Variants in RARB observed in about 807,000 individuals in gnomAD.
The protein encoded by RARB is HBV-activated protein.
Under a neutral mutation model 51.9 loss-of-function variants are expected in RARB, and 17 were observed. The ratio of observed to expected loss-of-function variants is 0.33; its 90% confidence interval spans 0.22 to 0.49. RARB has a LOEUF of 0.49. RARB is among the 20% of genes least tolerant of loss of function. RARB has a pLI of 0.99. For missense variants in RARB, 369 were observed against 550.8 expected (o/e 0.67, Z 3.30); for synonymous variants, 215 against 195.4 (o/e 1.10, Z -0.84).
At chr3:25,551,543 G>C (rs550319904) in intron 3 of RARB, among the ~76,000 whole-genome samples, 1 of 152,294 alleles carries the variant, frequency 6.6e-6, no homozygotes, top group South Asian at 2.1e-4. Context: ...ATGTGGAGCA[G>C]CTAAAGAGTC....
intron 5 of RARB, among the ~76,000 whole-genome samples, chr3:25,371,369 C>A (rs1488819987): frequency 6.6e-6 from 1 of 152,056 alleles, no homozygotes; most frequent in Non-Finnish European, 1.5e-5. Flanking sequence ...GCTGATGGGG[C>A]AAATCATAAG....
At chr3:25,448,372 A>T (rs1158448176) in intron 1 of RARB, among the ~76,000 whole-genome samples, 1 of 151,338 alleles carries the variant, frequency 6.6e-6, no homozygotes, top group Non-Finnish European at 1.5e-5. Context: ...TAGCTTTCTC[A>T]TACCTAGGAA....
rs1368393189 is a variant in RARB at position 25,375,211 on chromosome 3, G to T, written c.179-85982G>T. Among the ~76,000 whole-genome samples, 4 of 152,214 alleles carry T rather than the reference G, an allele frequency of 2.6e-5. No homozygotes were observed. In the South Asian group the frequency reaches 6.2e-4, roughly 24 times the overall value. On this transcript the variant is annotated intron_variant, in intron 5 of 11. Coordinates refer to the RARB transcript ENST00000383772. ...TCAAAAATCATTAGCTTCAAACAAG[G>T]CAATAAATACAGGACCCTATGCATA... is the stretch of plus-strand genomic sequence containing the variant.
chr3:24,879,675 T>C, intron 2 of RARB, among the ~76,000 whole-genome samples: 1 of 151,924 alleles, frequency 6.6e-6, no homozygotes, highest in East Asian at 1.9e-4. Context: ...AAAAACCGAA[T>C]CACTTTACAT....
chr3:25,125,388 T>G (rs1002530170), intron 3 of RARB, among the ~76,000 whole-genome samples: 1 of 152,158 alleles, frequency 6.6e-6, no homozygotes, highest in East Asian at 1.9e-4. Flanking sequence ...TCTGTTCTCA[T>G]GAGGACCGTT....
chr3:25,533,582 C>T (rs1404324322), intron 3 of RARB, among the ~76,000 whole-genome samples: 1 of 152,136 alleles, frequency 6.6e-6, no homozygotes, highest in Non-Finnish European at 1.5e-5. Flanking sequence ...TCTTATGTGC[C>T]AGCCAGTAGA....
At chr3:25,119,038 T>C (rs1263146692) in intron 3 of RARB, among the ~76,000 whole-genome samples, 1 of 152,204 alleles carries the variant, frequency 6.6e-6, no homozygotes, top group Non-Finnish European at 1.5e-5. Context: ...AAGTTTCCAT[T>C]AAAATTTTTA....
intron 4 of RARB, among the ~76,000 whole-genome samples, chr3:25,172,100 GTAC>G (rs1432375743): frequency 6.6e-6 from 1 of 152,158 alleles, no homozygotes; most frequent in African/African-American, 2.4e-5. Context: ...GTTCAGCGGA[GTAC>G]TAGGGGGCCT....
intron 3 of RARB, among the ~76,000 whole-genome samples, chr3:25,114,921 G>A (rs1354492314): frequency 6.6e-6 from 1 of 152,132 alleles, no homozygotes; most frequent in Non-Finnish European, 1.5e-5. Context: ...AATAATTTTG[G>A]AAGTGTTGGA....
chr3:24,878,210 ATTTTT>A (rs58436769), intron 2 of RARB, among the ~76,000 whole-genome samples: 1 of 146,334 alleles, frequency 6.8e-6, no homozygotes. Context: ...TAGCCAAACC[ATTTTT>A]TTTTTTTTTG....
At chr3:25,121,746 AATTT>A (rs1189281468) in intron 3 of RARB, among the ~76,000 whole-genome samples, 3 of 151,896 alleles carry the variant, frequency 2.0e-5, no homozygotes, top group Admixed American at 6.6e-5. Context: ...TACTCAAAAT[AATTT>A]ATGTTTTTTA....
chr3:25,296,785 C>G lies in RARB; in HGVS notation c.178+122210C>G, dbSNP rs956529158. Among the ~76,000 whole-genome samples, 10 of 152,144 alleles carry G rather than the reference C, an allele frequency of 6.6e-5. 1 individual carries two copies. Among genetic ancestry groups the G allele is most frequent in the Admixed American group, 4.6e-4 (7 of 15,274 alleles). ...GTATTACTAGTTAGAATTTGGAAGT[C>G]CCATTGCTTTTGTTCACCTGCCTGA... is the stretch of plus-strand genomic sequence containing the variant. On this transcript the variant is annotated intron_variant, in intron 5 of 11. Coordinates refer to the RARB transcript ENST00000383772.
At chr3:25,218,422 C>A (rs1174840677) in intron 5 of RARB, among the ~76,000 whole-genome samples, 2 of 152,096 alleles carry the variant, frequency 1.3e-5, no homozygotes, top group Non-Finnish European at 2.9e-5. Flanking sequence ...CAAGTTGTTC[C>A]TTTTCACTTG....
At chr3:25,361,422 A>G (rs1203360453) in intron 5 of RARB, among the ~76,000 whole-genome samples, 1 of 152,176 alleles carries the variant, frequency 6.6e-6, no homozygotes, top group Non-Finnish European at 1.5e-5. Flanking sequence ...ATTGGATTAG[A>G]ACATGCTCCT....
chr3:25,240,703 C>G (rs1215545735), intron 5 of RARB, among the ~76,000 whole-genome samples: 1 of 152,066 alleles, frequency 6.6e-6, no homozygotes, highest in Admixed American at 6.5e-5. Flanking sequence ...GGTGTATTAT[C>G]TTTTTGATGT....
chr3:25,192,027 C>A (rs780656147), intron 5 of RARB, among the ~76,000 whole-genome samples: 1 of 152,018 alleles, frequency 6.6e-6, no homozygotes, highest in Non-Finnish European at 1.5e-5. Flanking sequence ...ATTTAAACAG[C>A]TTTGCAAAAG....
intron 2 of RARB, among the ~76,000 whole-genome samples, chr3:25,028,526 T>A (rs1030328863): frequency 6.6e-6 from 1 of 152,086 alleles, no homozygotes; most frequent in African/African-American, 2.4e-5. Flanking sequence ...GGTACTTCCA[T>A]TTGGGACTAG....
At chr3:24,832,406 T>A (rs539860227) in intron 1 of RARB, among the ~76,000 whole-genome samples, 3 of 151,746 alleles carry the variant, frequency 2.0e-5, no homozygotes, top group South Asian at 2.1e-4. Flanking sequence ...AGAAAAAAAA[T>A]TTTTAAGTGG....
chr3:25,494,466 C>T lies in RARB; in HGVS notation c.307-6716C>T, dbSNP rs181726711. Among the ~76,000 whole-genome samples, 73 of 152,262 alleles carry T rather than the reference C, an allele frequency of 4.8e-4. 1 individual carries two copies. The East Asian group carries it at 0.012, about 25-fold the overall frequency. ...TCTAACTCCTTTGAATTCCTAAGGCCTTTATTTGCTCAGTAAATATTTTAT... is the reference window on the plus strand; with the variant it reads ...TCTAACTCCTTTGAATTCCTAAGGCTTTTATTTGCTCAGTAAATATTTTAT... On this transcript the variant is annotated intron_variant, in intron 2 of 7. Coordinates refer to ENST00000330688, the MANE Select transcript of RARB (RefSeq NM_000965.5).
Sources: allele counts gnomAD v4.1 joint callset (sites outside exome capture counted in the v4.1 genomes callset), GRCh38; gene constraint gnomAD v4.1.1; transcripts MANE v1.5; gene names NCBI Gene and HGNC (gene_info 2026-07-23, HGNC 2026-07-21).